Variants in SV2C observed in about 807,000 individuals in gnomAD.
The protein encoded by SV2C is synaptic vesicle glycoprotein 2C.
SV2C carries 49 observed loss-of-function variants against 79.7 expected under a neutral mutation model. That is an observed-to-expected ratio of 0.61 (90% CI 0.49 to 0.78). SV2C has a LOEUF of 0.78. Among genes scored for constraint, SV2C ranks in the 30% least tolerant of loss-of-function variants. SV2C has a pLI of 0.00. For synonymous variants in SV2C, 334 were observed against 333.2 expected, an observed-to-expected ratio of 1.00 and a Z score of -0.03; for missense variants, 833 against 912.9, an observed-to-expected ratio of 0.91 and a Z score of 1.13.
At chr5:76,065,102 A>G in the SV2C span, among the ~76,000 whole-genome samples, 2 of 152,208 alleles carry the variant, frequency 1.3e-5, no homozygotes, top group African/African-American at 2.4e-5. Context: ...TTGGTTCCCC[A>G]AAATTATTAC....
chr5:76,255,531 C>T (rs996721801), intron 4 of SV2C, among the ~76,000 whole-genome samples: 1 of 152,148 alleles, frequency 6.6e-6, no homozygotes, highest in African/African-American at 2.4e-5. Flanking sequence ...TAACTGTGGC[C>T]CTAGAGTGGT....
intron 2 of SV2C, among the ~76,000 whole-genome samples, chr5:76,193,993 G>T (rs917219197): frequency 6.6e-6 from 1 of 152,184 alleles, no homozygotes; most frequent in Non-Finnish European, 1.5e-5. Context: ...ATAATAAGTG[G>T]TTATTGATTG....
At chr5:76,351,704 G>T (rs1382733291) in intron 12 of SV2C, among the ~76,000 whole-genome samples, 1 of 152,168 alleles carries the variant, frequency 6.6e-6, no homozygotes, top group Non-Finnish European at 1.5e-5. Flanking sequence ...GTCCCAGTCA[G>T]TGTATCTGTT....
At chr5:75,953,586 T>C in the SV2C span, among the ~76,000 whole-genome samples, 1 of 151,880 alleles carries the variant, frequency 6.6e-6, no homozygotes, top group Non-Finnish European at 1.5e-5. Context: ...CATACATGAG[T>C]ACTTTATCCG....
the SV2C span, among the ~76,000 whole-genome samples, chr5:76,035,461 G>C: frequency 5.3e-5 from 8 of 151,608 alleles, no homozygotes; most frequent in African/African-American, 1.7e-4. Flanking sequence ...CTTTGTTCTC[G>C]TTGGTTTCAA....
chr5:75,938,855 C>CT, the SV2C span, among the ~76,000 whole-genome samples: 1 of 152,156 alleles, frequency 6.6e-6, no homozygotes, highest in African/African-American at 2.4e-5. Context: ...TACCTTCACT[C>CT]TTTTAATATA....
the SV2C span, among the ~76,000 whole-genome samples, chr5:75,888,811 A>G: frequency 1.3e-5 from 2 of 152,062 alleles, no homozygotes; most frequent in East Asian, 1.9e-4. Context: ...CCTATGCTAT[A>G]CCTAGAATCT....
intron 2 of SV2C, among the ~76,000 whole-genome samples, chr5:76,169,440 G>T (rs141949360): frequency 6.6e-6 from 1 of 152,160 alleles, no homozygotes; most frequent in Non-Finnish European, 1.5e-5. Flanking sequence ...GGAATTAAGG[G>T]TATTACAAAG....
At chr5:76,030,045 C>T in the SV2C span, among the ~76,000 whole-genome samples, 1 of 152,058 alleles carries the variant, frequency 6.6e-6, no homozygotes, top group African/African-American at 2.4e-5. Context: ...GTGGGTACTT[C>T]ATAGCATTGA....
At chr5:75,891,929 T>C in the SV2C span, among the ~76,000 whole-genome samples, 1 of 152,032 alleles carries the variant, frequency 6.6e-6, no homozygotes, top group African/African-American at 2.4e-5. Context: ...TGGTCCCTGG[T>C]CCATTAAAAA....
At chr5:76,009,658 G>C in the SV2C span, among the ~76,000 whole-genome samples, 1 of 152,272 alleles carries the variant, frequency 6.6e-6, no homozygotes, top group African/African-American at 2.4e-5. Flanking sequence ...TTCAAGAAAA[G>C]AAAACAAAAT....
At chr5:76,262,337 A>T (rs953942915) in intron 4 of SV2C, among the ~76,000 whole-genome samples, 3 of 151,206 alleles carry the variant, frequency 2.0e-5, no homozygotes, top group Non-Finnish European at 2.9e-5. Context: ...TTTCTTCTTT[A>T]TTAGCCTGGC....
chr5:75,889,767 A>G, the SV2C span, among the ~76,000 whole-genome samples: 1 of 152,140 alleles, frequency 6.6e-6, no homozygotes, highest in African/African-American at 2.4e-5. Context: ...CTGAATGGAT[A>G]AATGCTTTCA....
At chr5:76,115,331 C>T (rs1334823150) in intron 1 of SV2C, among the ~76,000 whole-genome samples, 1 of 152,142 alleles carries the variant, frequency 6.6e-6, no homozygotes, top group Non-Finnish European at 1.5e-5. Context: ...TTTTCTTCTA[C>T]TTTTAGTGAT....
intron 1 of SV2C, among the ~76,000 whole-genome samples, chr5:76,100,024 T>C (rs1308171369): frequency 6.6e-6 from 1 of 152,200 alleles, no homozygotes. Context: ...ATATTTTATT[T>C]GTAAGATGCT....
At chr5:76,042,153 C>G in the SV2C span, among the ~76,000 whole-genome samples, 1 of 152,218 alleles carries the variant, frequency 6.6e-6, no homozygotes, top group Admixed American at 6.5e-5. Flanking sequence ...TCCCTTGGGT[C>G]TGCCTCATTC....
the SV2C span, among the ~76,000 whole-genome samples, chr5:75,948,062 C>G: frequency 1.3e-5 from 2 of 151,828 alleles, no homozygotes; most frequent in Admixed American, 6.6e-5. Context: ...CCCAGAGGCC[C>G]CTGTTTAGAT....
chr5:76,173,461 T>A (rs1303952206), intron 2 of SV2C, among the ~76,000 whole-genome samples: 2 of 152,138 alleles, frequency 1.3e-5, no homozygotes, highest in Non-Finnish European at 2.9e-5. Context: ...TGGAAAGTGA[T>A]TAGAATGTGC....
intron 1 of SV2C, among the ~76,000 whole-genome samples, chr5:76,124,736 A>G (rs1469769657): frequency 6.6e-6 from 1 of 152,226 alleles, no homozygotes; most frequent in Non-Finnish European, 1.5e-5. Flanking sequence ...CCAACAGTGC[A>G]CATGGCTCCA....
Sources: allele counts gnomAD v4.1 joint callset (sites outside exome capture counted in the v4.1 genomes callset), GRCh38; gene constraint gnomAD v4.1.1; transcripts MANE v1.5; gene names NCBI Gene and HGNC (gene_info 2026-07-23, HGNC 2026-07-21).